Variants in CASK observed in about 807,000 individuals in gnomAD.
CASK encodes peripheral plasma membrane protein CASK.
In CASK, 4 loss-of-function variants were observed where a neutral mutation model predicts 82.9. The observed-to-expected ratio is 0.05, with a 90% confidence interval of 0.02 to 0.11. The LOEUF is 0.11. Ranked by LOEUF, CASK falls within the 10% of genes least tolerant of loss-of-function variation. CASK has a pLI of 1.00. For synonymous variants in CASK, 259 were observed against 253.5 expected (o/e 1.02, Z -0.20); for missense variants, 358 against 720.9 (o/e 0.50, Z 5.76).
chrX:41,919,053 T>C lies in CASK; in HGVS notation c.59+3877A>G, dbSNP rs191449472. ...ATTGCTCTGAGGTTGACAAACATGC[T>C]TTTTTGCCTTTTAATGAGATTTTAT... On this transcript the variant is annotated intron_variant, in intron 1 of 26. Transcript: ENST00000378163. Among the ~76,000 whole-genome samples the C allele has an allele frequency of 1.2e-3, 138 of 112,116 alleles. 2 individuals carry two copies. Among genetic ancestry groups the C allele is most frequent in the African/African-American group, 4.3e-3 (134 of 30,873 alleles).
intron 16 of CASK, 67 bp downstream of exon 16, chrX:41,569,601 T>C: frequency 1.3e-6 from 1 of 787,798 alleles, no homozygotes; most frequent in South Asian, 2.2e-5. Context: ...ACAAAAACAT[T>C]TTCTTCACTA....
At chrX:41,676,248 T>C in intron 5 of CASK, 1 of 1,191,908 alleles carries the variant, frequency 8.4e-7, no homozygotes, top group Non-Finnish European at 1.1e-6. Flanking sequence ...ACTTTCTCTC[T>C]GTATTCTCGA....
chrX:41,613,119 G>A (rs776398833), intron 11 of CASK, among the ~76,000 whole-genome samples: 4 of 111,885 alleles, frequency 3.6e-5, no homozygotes, highest in East Asian at 2.9e-4. Flanking sequence ...CCACCACCCC[G>A]TCTGGGAGGT....
At chrX:41,679,519 A>C (rs1050520099) in intron 5 of CASK, among the ~76,000 whole-genome samples, 1 of 112,304 alleles carries the variant, frequency 8.9e-6, no homozygotes, top group African/African-American at 3.2e-5. Flanking sequence ...CTGTTGACAG[A>C]CATTTAGGCT....
At chrX:41,868,807 G>A (rs1178088286) in intron 1 of CASK, among the ~76,000 whole-genome samples, 1 of 111,329 alleles carries the variant, frequency 9.0e-6, no homozygotes, top group Non-Finnish European at 1.9e-5. Context: ...TGGCGCATAC[G>A]AACAACAGGA....
intron 1 of CASK, among the ~76,000 whole-genome samples, chrX:41,878,700 G>A (rs1259916375): frequency 9.0e-6 from 1 of 110,712 alleles, no homozygotes; most frequent in Non-Finnish European, 1.9e-5. Context: ...GTAACATGAA[G>A]TTCTTAGAAT....
intron 13 of CASK, chrX:41,587,449 A>G (rs1171241940): frequency 8.7e-6 from 1 of 114,441 alleles, no homozygotes; most frequent in Non-Finnish European, 1.8e-5. Context: ...AGAACTAATT[A>G]ATTAGACTAC....
intron 2 of CASK, among the ~76,000 whole-genome samples, chrX:41,833,447 A>C (rs993623462): frequency 1.8e-5 from 2 of 111,863 alleles, no homozygotes; most frequent in African/African-American, 6.5e-5. Context: ...ATCCATAGAA[A>C]TAGAAAGTAG....
intron 21 of CASK, among the ~76,000 whole-genome samples, chrX:41,552,104 T>TA (rs1372061613): frequency 9.5e-6 from 1 of 104,730 alleles, no homozygotes. Flanking sequence ...TTTTTTTTTT[T>TA]TTTTTTATTT....
intron 3 of CASK, among the ~76,000 whole-genome samples, chrX:41,770,763 A>T (rs2147794022): frequency 8.9e-6 from 1 of 111,734 alleles, no homozygotes; most frequent in Non-Finnish European, 1.9e-5. Flanking sequence ...TTTAAAAATT[A>T]GTGAATAGAT....
intron 16 of CASK, among the ~76,000 whole-genome samples, chrX:41,564,574 C>T (rs2065281807): frequency 9.0e-6 from 1 of 111,401 alleles, no homozygotes; most frequent in Non-Finnish European, 1.9e-5. Flanking sequence ...GTCTACTATA[C>T]CACTCCTTGA....
At position 41,534,902 on chromosome X, in the gene CASK, C is replaced by G. The variant is rs759074946; in HGVS notation, c.2227G>C (p.Val743Leu). The G allele has an allele frequency of 2.6e-5, 31 of 1,186,810 alleles. No homozygotes were observed. The highest frequency in any genetic ancestry group is 3.2e-5 in the Non-Finnish European group (28 of 874,110). Reference protein sequence around the residue: ...KLPAFKRKTLVLLGAHGVGRR... With the variant: ...KLPAFKRKTLLLLGAHGVGRR... ...ACACAATCAAACTTACCTAATAAGA[C>G]TAGTGTTTTCCTCTTGAATGCTGGC... Residue 743 changes from valine (V) to leucine (L), a missense_variant, in exon 23 of 27, where the codon GTC becomes CTC. Physicochemically the swap from Val to Leu is conservative, Grantham distance 32. Around this residue, in one of 5 missense-constraint regions of CASK, gnomAD observed 118 missense variants for 169.4 expected, o/e 0.70. Coordinates refer to ENST00000378163, the MANE Select transcript of CASK (RefSeq NM_001367721.1).
intron 5 of CASK, among the ~76,000 whole-genome samples, chrX:41,687,161 T>C (rs987646465): frequency 8.9e-6 from 1 of 112,279 alleles, no homozygotes; most frequent in Non-Finnish European, 1.9e-5. Context: ...AATATATTCA[T>C]GCTAGATTAT....
intron 1 of CASK, among the ~76,000 whole-genome samples, chrX:41,879,743 T>C (rs1459745898): frequency 1.8e-5 from 2 of 112,002 alleles, no homozygotes; most frequent in African/African-American, 6.5e-5. Flanking sequence ...ACAGAAATAT[T>C]TGGTGAATTC....
At chrX:41,837,057 T>C (rs891186822) in intron 2 of CASK, among the ~76,000 whole-genome samples, 3 of 112,461 alleles carry the variant, frequency 2.7e-5, no homozygotes, top group Non-Finnish European at 5.6e-5. Flanking sequence ...CCAAAACCTG[T>C]AGTTAAAATG....
rs150917268 is a variant in CASK at position 41,539,783 on chromosome X, A to G, written c.2155+2908T>C. On this transcript the variant is annotated intron_variant, in intron 22 of 26. Coordinates refer to ENST00000378163, the MANE Select transcript of CASK (RefSeq NM_001367721.1). ...AGCAAATGGTTCTTCTGGACTTTCT[A>G]ATGAACAAAATGGAAGAGTTGGTTG... is the stretch of plus-strand genomic sequence containing the variant. 4.5e-3 allele frequency among the ~76,000 whole-genome samples: 510 copies of G among 112,344 alleles called. 4 individuals carry two copies. The highest frequency in any genetic ancestry group is 0.016 in the African/African-American group (485 of 30,982).
intron 14 of CASK, among the ~76,000 whole-genome samples, chrX:41,580,646 TACC>T (rs2065561465): frequency 8.9e-6 from 1 of 111,964 alleles, no homozygotes; most frequent in African/African-American, 3.2e-5. Context: ...AAATGATTGC[TACC>T]ACAAAACGAA....
At chrX:41,770,366 T>C (rs1213813366) in intron 3 of CASK, among the ~76,000 whole-genome samples, 2 of 107,089 alleles carry the variant, frequency 1.9e-5, no homozygotes, top group African/African-American at 6.8e-5. Context: ...CCATCCGTTT[T>C]TTGAGACAGA....
At chrX:41,887,359 C>A (rs1378083842) in intron 1 of CASK, among the ~76,000 whole-genome samples, 4 of 106,711 alleles carry the variant, frequency 3.7e-5, no homozygotes, top group East Asian at 3.0e-4. Flanking sequence ...AATTCCAACC[C>A]AAATACTCAA....
Sources: allele counts gnomAD v4.1 joint callset (sites outside exome capture counted in the v4.1 genomes callset), GRCh38; gene constraint gnomAD v4.1.1; regional missense constraint gnomAD v4.1.1; transcripts MANE v1.5; gene names NCBI Gene and HGNC (gene_info 2026-07-23, HGNC 2026-07-21).